The following METTL25 variants were observed in gnomAD, a reference collection of about 807,000 sequenced individuals.
METTL25 encodes methyltransferase like 25.
Under a neutral mutation model 71.6 loss-of-function variants are expected in METTL25, and 64 were observed. The observed-to-expected ratio is 0.89, with a 90% CI of 0.73 to 1.10. The LOEUF is 1.10. Ranked by LOEUF, METTL25 falls within the 50% of genes least tolerant of loss-of-function variation. METTL25 has a pLI of 0.00. For synonymous variants in METTL25, 287 were observed against 250.3 expected (o/e 1.15, Z -1.38); for missense variants, 807 against 707.0 (o/e 1.14, Z -1.60).
chr12:82,399,378 T>TTA lies in METTL25; in HGVS notation c.1117_1118dup (p.Lys374LeufsTer8), dbSNP rs1303954626. Reference sequence around the variant, plus strand: ...ACTGCTGATTCAGAACTCCATGACATTATTAAAGATTTGGAGGTGACTTTA... The same window carrying TTA: ...ACTGCTGATTCAGAACTCCATGACATTATATTAAAGATTTGGAGGTGACTTTA... On this transcript the variant is annotated frameshift_variant, in exon 4 of 12. Coordinates refer to ENST00000248306, the MANE Select transcript of METTL25 (RefSeq NM_032230.3). LOFTEE classifies it high-confidence loss of function. The TTA allele has an allele frequency of 6.4e-7, 1 of 1,572,936 alleles. No individual in the cohort carries two copies. The highest frequency in any genetic ancestry group is 1.2e-5 in the South Asian group (1 of 84,116).
chr12:82,468,312 C>T (rs1260544305), intron 9 of METTL25: 2 of 151,938 alleles, frequency 1.3e-5, no homozygotes, highest in Non-Finnish European at 2.9e-5. Flanking sequence ...AAAGATGTAA[C>T]AAGGAGATAA....
At position 82,476,664 on chromosome 12, in the gene METTL25, G is replaced by A. The variant is rs368056191; in HGVS notation, c.1593G>A (p.Met531Ile). The change falls in exon 10 of 12, where the codon ATG (methionine) becomes ATA (isoleucine). Residue 531 changes from methionine to isoleucine, a missense_variant. By Grantham distance (10) the Met-to-Ile change is conservative (BLOSUM62 1). Transcript: ENST00000248306. ...DESKLPEKIIMNYYEKYKPRM... is the reference protein window; with the variant it reads ...DESKLPEKIIINYYEKYKPRM... Reference sequence around the variant, plus strand: ...TGAAGCTGCCAGAAAAAATTATAATGAACTACTACGAGAAGTATAAGCCTC... The same window carrying A: ...TGAAGCTGCCAGAAAAAATTATAATAAACTACTACGAGAAGTATAAGCCTC... 6.3e-6 allele frequency: 10 copies of A among 1,598,520 alleles called. No individual in the cohort carries two copies. In the African/African-American group the frequency reaches 1.4e-4, roughly 22 times the overall value.
chr12:82,388,798 C>T (rs1381191221), intron 2 of METTL25: 1 of 151,990 alleles, frequency 6.6e-6, no homozygotes, highest in African/African-American at 2.4e-5. Context: ...TATTTGTTTA[C>T]TAGGTTAGTA....
chr12:82,429,087 A>T (rs920086792), intron 5 of METTL25, among the ~76,000 whole-genome samples: 2 of 151,782 alleles, frequency 1.3e-5, no homozygotes, highest in Non-Finnish European at 2.9e-5. Flanking sequence ...TATACAATAT[A>T]TTGTTGTTAA....
rs759475773 is a variant in METTL25, at chr12:82,398,813, G to A, written c.550G>A (p.Gly184Ser). Residue 184 changes from glycine to serine, a missense_variant, in exon 4 of 12, where the codon GGT becomes AGT. By Grantham distance (56) the Gly-to-Ser change is moderately conservative. Coordinates refer to ENST00000248306, the MANE Select transcript of METTL25 (RefSeq NM_032230.3). ...ATCTTAGGTGATTGACTTGGGTTCCGGTAAAGGCTACCTAAGCTCTTTTTT... is the reference window on the plus strand; with the variant it reads ...ATCTTAGGTGATTGACTTGGGTTCCAGTAAAGGCTACCTAAGCTCTTTTTT... ...GIKQVIDLGS[G>S]KGYLSSFLSL... 7.9e-5 allele frequency: 122 copies of A among 1,539,216 alleles called. No homozygotes were observed. The highest frequency in any genetic ancestry group is 1.8e-4 in the Middle Eastern group (1 of 5,702).
At chr12:82,404,807 G>A (rs1886943828) in intron 5 of METTL25, among the ~76,000 whole-genome samples, 1 of 152,128 alleles carries the variant, frequency 6.6e-6, no homozygotes, top group African/African-American at 2.4e-5. Context: ...AGCTGGCCAT[G>A]GTGGTGGACG....
chr12:82,474,176 G>C (rs1281938534), intron 9 of METTL25, among the ~76,000 whole-genome samples: 1 of 152,166 alleles, frequency 6.6e-6, no homozygotes, highest in Non-Finnish European at 1.5e-5. Context: ...AGTGTTTGTG[G>C]TAGCAATGGG....
intron 5 of METTL25, among the ~76,000 whole-genome samples, chr12:82,429,085 A>T (rs1320848033): frequency 6.6e-6 from 1 of 151,808 alleles, no homozygotes; most frequent in Non-Finnish European, 1.5e-5. Flanking sequence ...AATATACAAT[A>T]TATTGTTGTT....
intron 5 of METTL25, among the ~76,000 whole-genome samples, chr12:82,429,215 T>C (rs1242026182): frequency 6.6e-6 from 1 of 151,716 alleles, no homozygotes; most frequent in Admixed American, 6.6e-5. Flanking sequence ...CATATACCCC[T>C]CCCAGCCTCA....
chr12:82,458,222 A>G (rs941335888), intron 9 of METTL25, among the ~76,000 whole-genome samples: 2 of 152,156 alleles, frequency 1.3e-5, no homozygotes, highest in African/African-American at 4.8e-5. Flanking sequence ...ATATTATGCT[A>G]TGGACATCAC....
At chr12:82,437,639 C>T (rs1890017250) in intron 7 of METTL25, among the ~76,000 whole-genome samples, 1 of 151,616 alleles carries the variant, frequency 6.6e-6, no homozygotes, top group South Asian at 2.1e-4. Flanking sequence ...CATATTTATT[C>T]TAGTTGAAAA....
At chr12:82,361,104 C>T (rs567140086) in intron 1 of METTL25, among the ~76,000 whole-genome samples, 17 of 152,242 alleles carry the variant, frequency 1.1e-4, no homozygotes, top group South Asian at 1.0e-3. Flanking sequence ...CACATCCTGC[C>T]GATTGGTCCA....
chr12:82,447,819 C>A (rs561203318), intron 8 of METTL25, among the ~76,000 whole-genome samples: 2 of 152,166 alleles, frequency 1.3e-5, no homozygotes, highest in African/African-American at 4.8e-5. Flanking sequence ...TGTTCAGTAT[C>A]ACTAAAATAT....
chr12:82,375,845 G>A (rs1649563552), intron 1 of METTL25, among the ~76,000 whole-genome samples: 1 of 152,152 alleles, frequency 6.6e-6, no homozygotes, highest in Non-Finnish European at 1.5e-5. Context: ...CAGAATGCCT[G>A]GTTACCCTTA....
chr12:82,433,426 C>G (rs1381999961), intron 6 of METTL25, among the ~76,000 whole-genome samples: 1 of 151,594 alleles, frequency 6.6e-6, no homozygotes, highest in Non-Finnish European at 1.5e-5. Context: ...CTCCTGTATT[C>G]GTAACATTCT....
Position 82,399,370 on chromosome 12 carries a change from C to G in METTL25, c.1107C>G (p.Leu369=). ...LTSFITADSE[L]HDIIKDLEDC... is the part of the protein sequence containing the mutation. ...CTTTTATCACTGCTGATTCAGAACT[C>G]CATGACATTATTAAAGATTTGGAGG... Residue 369 remains leucine, a synonymous_variant, in exon 4 of 12, where the codon CTC becomes CTG. Coordinates refer to ENST00000248306, the MANE Select transcript of METTL25 (RefSeq NM_032230.3). The G allele has an allele frequency of 1.9e-6, 3 of 1,579,432 alleles. No homozygotes were observed. Among genetic ancestry groups the G allele is most frequent in the Non-Finnish European group, 2.6e-6 (3 of 1,167,646 alleles).
intron 7 of METTL25, among the ~76,000 whole-genome samples, chr12:82,434,943 C>T (rs1889806915): frequency 1.3e-5 from 2 of 151,494 alleles, no homozygotes; most frequent in East Asian, 1.9e-4. Flanking sequence ...TGCTCTTATA[C>T]TACTCATTTC....
At chr12:82,478,804 G>C in intron 11 of METTL25, 128 bp from the exon 12 acceptor site, 1 of 704,244 alleles carries the variant, frequency 1.4e-6, no homozygotes, top group Non-Finnish European at 2.3e-6. Context: ...GTTTAACAAA[G>C]CATAAGAATT....
At chr12:82,381,924 C>G (rs1472366712) in intron 1 of METTL25, among the ~76,000 whole-genome samples, 1 of 152,090 alleles carries the variant, frequency 6.6e-6, no homozygotes, top group African/African-American at 2.4e-5. Flanking sequence ...AGAGCATTAA[C>G]AAGGTTTGAA....
Sources: allele counts gnomAD v4.1 joint callset (sites outside exome capture counted in the v4.1 genomes callset), GRCh38; gene constraint gnomAD v4.1.1; transcripts MANE v1.5; gene names NCBI Gene and HGNC (gene_info 2026-07-23, HGNC 2026-07-21).